ETV1: variants seen among roughly 807,000 people sequenced by gnomAD.
ETV1 encodes the protein ETS variant transcription factor 1.
Under a neutral mutation model 62.3 loss-of-function variants are expected in ETV1, and 27 were observed. The ratio of observed to expected loss-of-function variants is 0.43; its 90% CI spans 0.32 to 0.60. The LOEUF (loss-of-function observed/expected upper bound fraction) is 0.60, where lower values mean the gene tolerates loss of function less well. Among genes scored for constraint, ETV1 ranks in the 20% least tolerant of loss-of-function variants. The pLI, the probability that ETV1 is intolerant of heterozygous loss-of-function variation, is 0.06. For missense variants in ETV1, 605 were observed against 605.8 expected (o/e 1.00, Z 0.01); for synonymous variants, 222 against 199.6 (o/e 1.11, Z -0.94).
At chr7:13,898,367 G>A (rs1221063707) in intron 13 of ETV1, among the ~76,000 whole-genome samples, 2 of 151,942 alleles carry the variant, frequency 1.3e-5, no homozygotes, top group Non-Finnish European at 2.9e-5. Context: ...AGTAATATGG[G>A]GATACTGAAG....
At chr7:13,969,081 A>G (rs1204935988) in intron 6 of ETV1, among the ~76,000 whole-genome samples, 1 of 152,218 alleles carries the variant, frequency 6.6e-6, no homozygotes, top group African/African-American at 2.4e-5. Context: ...CCAGTGGAAC[A>G]GTAGAACATC....
At position 13,893,579 on chromosome 7, in the gene ETV1, G is replaced by A. The variant is rs1781528417; in HGVS notation, c.*2287C>T. On this transcript the variant is annotated 3_prime_UTR_variant, in exon 14 of 14. Transcript: ENST00000430479. The stretch of plus-strand genomic sequence containing the variant: ...TAGCATGGCCCAATTCTTCCTCACT[G>A]ACTGACTAAAACTAGACTATTAAAA... The A allele has an allele frequency of 4.3e-6, 1 of 231,126 alleles. No individual in the cohort carries two copies. The highest frequency in any genetic ancestry group is 5.7e-5 in the Admixed American group (1 of 17,652). The allele number at this position is 231,126 out of a possible 1,614,324, so 14.3% of individuals were successfully genotyped here.
At chr7:13,972,142 A>G (rs1198217005) in intron 6 of ETV1, among the ~76,000 whole-genome samples, 1 of 152,056 alleles carries the variant, frequency 6.6e-6, no homozygotes, top group Non-Finnish European at 1.5e-5. Context: ...AACTAAATTT[A>G]AAATATATGA....
intron 6 of ETV1, among the ~76,000 whole-genome samples, chr7:13,967,012 G>A (rs17738201): frequency 0.056 from 8,445 of 152,132 alleles, 345 homozygotes; most frequent in Middle Eastern, 0.15. Context: ...TGTAGCATAT[G>A]TACCCAATAA....
upstream of ETV1, chr7:13,990,820 C>T (rs1030401741): frequency 6.6e-6 from 1 of 152,188 alleles, no homozygotes; most frequent in East Asian, 1.9e-4. Flanking sequence ...GTGACCAGAA[C>T]TAGTGACCAA....
intron 9 of ETV1, among the ~76,000 whole-genome samples, chr7:13,923,446 T>C (rs2128439400): frequency 6.6e-6 from 1 of 152,340 alleles, no homozygotes; most frequent in South Asian, 2.1e-4. Context: ...TTAAATTTCT[T>C]GATTAAAGTG....
chr7:13,925,421 C>G (rs1785296014), intron 9 of ETV1, among the ~76,000 whole-genome samples: 1 of 152,172 alleles, frequency 6.6e-6, no homozygotes, highest in South Asian at 2.1e-4. Context: ...TTTTCCCTCC[C>G]TCCTCTAAGG....
At chr7:13,959,925 A>G (rs1789971400) in intron 6 of ETV1, among the ~76,000 whole-genome samples, 1 of 148,368 alleles carries the variant, frequency 6.7e-6, no homozygotes, top group East Asian at 2.0e-4. Context: ...ATTCTCTGGA[A>G]CCTTTTTTTT....
At chr7:13,931,387 A>G (rs2128450048) in intron 9 of ETV1, 115 bp downstream of exon 9, 6 of 1,127,344 alleles carry the variant, frequency 5.3e-6, no homozygotes, top group Non-Finnish European at 5.1e-6. Context: ...ACAAAATCTG[A>G]AAGATCTTAT....
chr7:13,986,904 T>C (rs755762283), intron 4 of ETV1: 9 of 476,778 alleles, frequency 1.9e-5, no homozygotes, highest in East Asian at 7.6e-5. Flanking sequence ...TTTAGTCAAC[T>C]AAAGAATAAA....
intron 8 of ETV1, among the ~76,000 whole-genome samples, chr7:13,934,937 A>G (rs78038442): frequency 0.044 from 6,665 of 152,282 alleles, 184 homozygotes; most frequent in Middle Eastern, 0.088. Flanking sequence ...ACAGAAGCAC[A>G]GGGCAGAAGA....
At chr7:13,938,384 T>C (rs1417503547) in intron 7 of ETV1, among the ~76,000 whole-genome samples, 2 of 152,230 alleles carry the variant, frequency 1.3e-5, no homozygotes, top group African/African-American at 2.4e-5. Flanking sequence ...AGTATGAATA[T>C]TTGGAATAAT....
At chr7:13,948,485 GT>G (rs1308438797) in intron 6 of ETV1, among the ~76,000 whole-genome samples, 2 of 152,168 alleles carry the variant, frequency 1.3e-5, no homozygotes, top group Non-Finnish European at 2.9e-5. Flanking sequence ...CAAAAATCAT[GT>G]TTTAGAATAG....
intron 13 of ETV1, among the ~76,000 whole-genome samples, chr7:13,897,628 C>T (rs1781979105): frequency 6.6e-6 from 1 of 152,074 alleles, no homozygotes. Context: ...GTCTCCAGCA[C>T]AGAGCACTGT....
At chr7:13,976,333 C>T (rs1223727726) in intron 6 of ETV1, among the ~76,000 whole-genome samples, 1 of 152,120 alleles carries the variant, frequency 6.6e-6, no homozygotes, top group Non-Finnish European at 1.5e-5. Context: ...TGCCATTGAA[C>T]TACAAACTTA....
chr7:13,932,063 C>T (rs1240732884), intron 8 of ETV1, among the ~76,000 whole-genome samples: 2 of 151,886 alleles, frequency 1.3e-5, no homozygotes, highest in Non-Finnish European at 2.9e-5. Flanking sequence ...CACACACACA[C>T]ACACACAACG....
At chr7:13,937,678 C>G (rs555643057) in intron 7 of ETV1, among the ~76,000 whole-genome samples, 1 of 152,292 alleles carries the variant, frequency 6.6e-6, no homozygotes, top group East Asian at 1.9e-4. Context: ...ATACACAGTA[C>G]TTGTAAGGAG....
chr7:13,980,923 T>C (rs1334075579), intron 5 of ETV1, among the ~76,000 whole-genome samples: 1 of 151,748 alleles, frequency 6.6e-6, no homozygotes, highest in Non-Finnish European at 1.5e-5. Context: ...AATATTGCCT[T>C]AGAGATGGGT....
Position 13,941,907 on chromosome 7 carries a change from A to AAATAAAGT in ETV1, c.236-2662_236-2661insACTTTATT, listed in dbSNP as rs1446948426. On this transcript the variant is annotated intron_variant, in intron 6 of 13. Coordinates refer to ENST00000430479, the MANE Select transcript of ETV1 (RefSeq NM_004956.5). The stretch of plus-strand genomic sequence containing the variant: ...TAAATAAATAAATAAATAAATAAAT[A>AAATAAAGT]AAGTAAGAAAATTGTCTCCCATTGT... Among the ~76,000 whole-genome samples, 556 of 141,758 alleles carry AAATAAAGT rather than the reference A, an allele frequency of 3.9e-3. 7 individuals carry two copies. The highest frequency in any genetic ancestry group is 0.014 in the African/African-American group (530 of 38,444). 93.0% of individuals were successfully genotyped at this position (141,758 alleles called of 152,430 possible). A position where few individuals can be genotyped will look rare whatever the true frequency, so the allele number is the denominator to read the frequency against.
Sources: allele counts gnomAD v4.1 joint callset (sites outside exome capture counted in the v4.1 genomes callset), GRCh38; gene constraint gnomAD v4.1.1; transcripts MANE v1.5; gene names NCBI Gene and HGNC (gene_info 2026-07-23, HGNC 2026-07-21).